The following ARHGAP44 variants were observed in gnomAD, a reference collection of about 807,000 sequenced individuals.
ARHGAP44 encodes the protein rho GTPase-activating protein 44.
ARHGAP44 carries 43 observed loss-of-function variants against 106.8 expected under a neutral mutation model. That is an observed-to-expected ratio of 0.40 (90% CI 0.32 to 0.52). The LOEUF (loss-of-function observed/expected upper bound fraction) is 0.52, where lower values mean the gene tolerates loss of function less well. Ranked by LOEUF, ARHGAP44 falls within the 20% of genes least tolerant of loss-of-function variation. The probability of loss-of-function intolerance (pLI) is 0.48; values close to 1 mark genes in which losing one functional copy is unlikely to be tolerated. For synonymous variants in ARHGAP44, 439 were observed against 410.3 expected (o/e 1.07, Z -0.85); for missense variants, 866 against 1,050.5 (o/e 0.82, Z 2.43).
At chr17:12,847,584 G>T (rs2035606220) in intron 1 of ARHGAP44, among the ~76,000 whole-genome samples, 1 of 147,552 alleles carries the variant, frequency 6.8e-6, no homozygotes, top group African/African-American at 2.6e-5. Context: ...TGCGATCTCG[G>T]CTCACTGCAA....
chr17:12,794,586 T>A (rs566231648), intron 1 of ARHGAP44, among the ~76,000 whole-genome samples: 1 of 152,212 alleles, frequency 6.6e-6, no homozygotes, highest in East Asian at 1.9e-4. Flanking sequence ...ACTGTGGGTG[T>A]GCGGGAAGGA....
intron 15 of ARHGAP44, 94 bp downstream of exon 15, chr17:12,956,840 A>T: frequency 9.7e-7 from 1 of 1,031,808 alleles, no homozygotes; most frequent in Non-Finnish European, 1.4e-6. Flanking sequence ...CACTGCCCAC[A>T]GGCTTTTTTT....
intron 7 of ARHGAP44, among the ~76,000 whole-genome samples, chr17:12,931,580 T>C (rs2038400979): frequency 6.6e-6 from 1 of 151,366 alleles, no homozygotes; most frequent in Non-Finnish European, 1.5e-5. Context: ...CACTGCAAGC[T>C]CCGCCTCCCG....
chr17:12,955,354 C>G (rs562270980), intron 13 of ARHGAP44, among the ~76,000 whole-genome samples: 1 of 152,232 alleles, frequency 6.6e-6, no homozygotes, highest in African/African-American at 2.4e-5. Flanking sequence ...GGACAGCTTT[C>G]TTTTGGGTAT....
chr17:12,938,944 G>A (rs556583680), intron 7 of ARHGAP44, among the ~76,000 whole-genome samples: 1 of 152,288 alleles, frequency 6.6e-6, no homozygotes, highest in South Asian at 2.1e-4. Context: ...ATGCCGAGAT[G>A]TTGAAGGTGT....
intron 16 of ARHGAP44, 172 bp from the exon 17 acceptor site, chr17:12,973,127 TAGG>T (rs2039571221): frequency 1.6e-6 from 1 of 639,118 alleles, no homozygotes; most frequent in Admixed American, 2.9e-5. Context: ...CTTACACAAA[TAGG>T]AGAGTCACTT....
intron 4 of ARHGAP44, among the ~76,000 whole-genome samples, chr17:12,914,592 C>T (rs1293036432): frequency 2.0e-5 from 3 of 151,976 alleles, no homozygotes; most frequent in African/African-American, 4.8e-5. Context: ...GTCAGGAGTT[C>T]GAGACCAGTC....
intron 6 of ARHGAP44, among the ~76,000 whole-genome samples, chr17:12,920,929 T>C (rs1314429184): frequency 1.3e-5 from 2 of 152,176 alleles, no homozygotes; most frequent in Non-Finnish European, 2.9e-5. Context: ...TGTGCACATA[T>C]GTCCTTTTAT....
chr17:12,986,365 A>G (rs2039955874), intron 20 of ARHGAP44: 1 of 152,210 alleles, frequency 6.6e-6, no homozygotes, highest in African/African-American at 2.4e-5. Flanking sequence ...AGGTCACCCG[A>G]GCCAGGTCTC....
intron 2 of ARHGAP44, among the ~76,000 whole-genome samples, chr17:12,896,011 T>C (rs953651683): frequency 6.7e-6 from 1 of 148,434 alleles, no homozygotes. Flanking sequence ...GGACAGAAAA[T>C]CAAACACCAC....
rs775141332 is a variant in ARHGAP44, at chr17:12,853,355, A to G, written c.54-41585A>G. Among the ~76,000 whole-genome samples the G allele has an allele frequency of 1.2e-4, 19 of 152,196 alleles. 1 individual carries two copies. Among genetic ancestry groups the G allele is most frequent in the Non-Finnish European group, 1.0e-4 (7 of 68,048 alleles). On this transcript the variant is annotated intron_variant, in intron 1 of 20. Transcript: ENST00000379672. Reference sequence around the variant, plus strand: ...CATCTACATTTATAGCATATTAGACACTGAAGGACCGAAACGTGTCATGAA... The same window carrying G: ...CATCTACATTTATAGCATATTAGACGCTGAAGGACCGAAACGTGTCATGAA...
At chr17:12,924,500 C>T (rs2038177243) in intron 6 of ARHGAP44, among the ~76,000 whole-genome samples, 1 of 152,182 alleles carries the variant, frequency 6.6e-6, no homozygotes, top group African/African-American at 2.4e-5. Flanking sequence ...GGTTAACCCT[C>T]CCGAGTCTGG....
intron 1 of ARHGAP44, among the ~76,000 whole-genome samples, chr17:12,799,409 C>T (rs1187918964): frequency 2.6e-5 from 4 of 152,212 alleles, no homozygotes. Context: ...GTCTATCCAT[C>T]TTCCCCTCCA....
chr17:12,952,718 G>GT, intron 13 of ARHGAP44, 137 bp downstream of exon 13: 1 of 421,158 alleles, frequency 2.4e-6, no homozygotes, highest in Admixed American at 4.4e-5. Flanking sequence ...AACATGCATG[G>GT]TCTCTTTTTT....
intron 4 of ARHGAP44, among the ~76,000 whole-genome samples, chr17:12,913,331 G>A (rs994019095): frequency 3.9e-5 from 6 of 151,906 alleles, no homozygotes; most frequent in Non-Finnish European, 8.8e-5. Flanking sequence ...GATTGGGTAC[G>A]TAGAAAACAA....
intron 1 of ARHGAP44, among the ~76,000 whole-genome samples, chr17:12,799,674 C>T (rs951160506): frequency 5.9e-5 from 9 of 152,138 alleles, no homozygotes; most frequent in Admixed American, 1.3e-4. Context: ...TTCTCTGCCC[C>T]GCCCTACCCT....
intron 1 of ARHGAP44, among the ~76,000 whole-genome samples, chr17:12,893,787 T>C (rs1729734465): frequency 6.6e-6 from 1 of 152,312 alleles, no homozygotes; most frequent in Non-Finnish European, 1.5e-5. Context: ...TTGTCCTTTG[T>C]CTACAGAGAC....
chr17:12,894,854 A>G, intron 1 of ARHGAP44, 86 bp from the exon 2 acceptor site: 1 of 1,211,586 alleles, frequency 8.3e-7, no homozygotes, highest in South Asian at 1.4e-5. Flanking sequence ...TTTTTCTGGT[A>G]TTGCCTTAAT....
intron 18 of ARHGAP44, among the ~76,000 whole-genome samples, chr17:12,978,683 CTT>C (rs2039756159): frequency 2.9e-5 from 2 of 69,424 alleles, no homozygotes; most frequent in East Asian, 3.4e-4. Flanking sequence ...TTTTTCTTTT[CTT>C]TTTTCTTTTT....
Sources: gnomAD v4.1 joint callset for allele counts (sites outside exome capture counted in the v4.1 genomes callset) on GRCh38, gnomAD v4.1.1 for gene constraint, MANE v1.5 for transcripts, NCBI Gene and HGNC (gene_info 2026-07-23, HGNC 2026-07-21) for gene names.